The following ST7 variants were observed in gnomAD, a reference collection of about 807,000 sequenced individuals.
The protein encoded by ST7 is suppressor of tumorigenicity 7 protein.
Under a neutral mutation model 78.7 loss-of-function variants are expected in ST7, and 28 were observed. That is an observed-to-expected ratio of 0.36 (90% confidence interval 0.26 to 0.49). The LOEUF (loss-of-function observed/expected upper bound fraction) is 0.49, where lower values mean the gene tolerates loss of function less well. Ranked by LOEUF, ST7 falls within the 20% of genes least tolerant of loss-of-function variation. ST7 has a pLI of 0.99. For synonymous variants in ST7, 247 were observed against 249.6 expected (o/e 0.99, Z 0.10); for missense variants, 418 against 696.0 (o/e 0.60, Z 4.49).
At chr7:117,140,258 T>G (rs1260707549) in intron 9 of ST7, among the ~76,000 whole-genome samples, 1 of 149,986 alleles carries the variant, frequency 6.7e-6, no homozygotes, top group African/African-American at 2.5e-5. Flanking sequence ...ATGTAGATCT[T>G]GGGGGAGAGA....
intron 1 of ST7, among the ~76,000 whole-genome samples, chr7:117,041,119 A>G (rs900581547): frequency 6.6e-6 from 1 of 152,192 alleles, no homozygotes; most frequent in Non-Finnish European, 1.5e-5. Flanking sequence ...CTCAACATGA[A>G]CAAGAAAGCC....
intron 1 of ST7, 58 bp downstream of exon 1, chr7:116,953,749 T>C (rs572529528): frequency 2.4e-6 from 3 of 1,261,380 alleles, no homozygotes; most frequent in Non-Finnish European, 3.1e-6. Context: ...GGAAAGTTAG[T>C]GCAACTCGCG....
chr7:117,014,369 A>G (rs998192722), intron 1 of ST7, among the ~76,000 whole-genome samples: 7 of 152,242 alleles, frequency 4.6e-5, no homozygotes, highest in Admixed American at 2.0e-4. Flanking sequence ...GTGTCTCAGT[A>G]ATGACCATAT....
chr7:117,138,129 G>A (rs548374582), intron 8 of ST7, among the ~76,000 whole-genome samples: 16 of 152,232 alleles, frequency 1.1e-4, no homozygotes, highest in African/African-American at 3.6e-4. Context: ...AAGAATGCAC[G>A]CTTGAAGAAT....
At chr7:117,003,164 T>A (rs1163477661) in intron 1 of ST7, among the ~76,000 whole-genome samples, 1 of 151,792 alleles carries the variant, frequency 6.6e-6, no homozygotes, top group African/African-American at 2.4e-5. Flanking sequence ...TATTATTTTT[T>A]TTTTGAGACA....
intron 1 of ST7, among the ~76,000 whole-genome samples, chr7:116,982,738 C>A (rs898742792): frequency 2.0e-5 from 3 of 152,082 alleles, no homozygotes; most frequent in African/African-American, 7.2e-5. Flanking sequence ...CTCTGAGGAT[C>A]CCTTTTTCAT....
At position 116,953,711 on chromosome 7, in the gene ST7, C is replaced by A; in HGVS notation, c.151+20C>A. On this transcript the variant is annotated intron_variant, in intron 1 of 15. Transcript: ENST00000323984. Reference sequence around the variant, plus strand: ...GCACAGGTAAGGCCTGGGAGCCGGGCCCGCGGCGCCCACCCCTCCCCCGCC... The same window carrying A: ...GCACAGGTAAGGCCTGGGAGCCGGGACCGCGGCGCCCACCCCTCCCCCGCC... 1 of 1,421,074 alleles carries A rather than the reference C, an allele frequency of 7.0e-7. No homozygotes were observed. Among genetic ancestry groups the A allele is most frequent in the Non-Finnish European group, 9.4e-7 (1 of 1,065,630 alleles). The allele number at this position is 1,421,074 out of a possible 1,614,324, so 88.0% of individuals were successfully genotyped here.
At chr7:117,068,690 A>T (rs1270554160) in intron 1 of ST7, among the ~76,000 whole-genome samples, 2 of 152,236 alleles carry the variant, frequency 1.3e-5, no homozygotes, top group Non-Finnish European at 2.9e-5. Flanking sequence ...GTGGTGTGCC[A>T]GCTCTCATTG....
chr7:117,028,722 C>G (rs1796326192), intron 1 of ST7, among the ~76,000 whole-genome samples: 1 of 152,168 alleles, frequency 6.6e-6, no homozygotes, highest in South Asian at 2.1e-4. Context: ...TGACTGGACT[C>G]CATTGGTGGT....
At chr7:117,044,876 C>T (rs2116319707) in intron 1 of ST7, among the ~76,000 whole-genome samples, 1 of 152,316 alleles carries the variant, frequency 6.6e-6, no homozygotes, top group East Asian at 1.9e-4. Context: ...GCATCTTCAG[C>T]TGGATGTCTC....
chr7:116,986,904 G>A (rs952548937), intron 1 of ST7, among the ~76,000 whole-genome samples: 2 of 152,190 alleles, frequency 1.3e-5, no homozygotes, highest in African/African-American at 2.4e-5. Flanking sequence ...AAGAAGAACC[G>A]GCAAAGGAGA....
At chr7:116,984,758 A>G (rs756797036) in intron 1 of ST7, among the ~76,000 whole-genome samples, 1 of 152,174 alleles carries the variant, frequency 6.6e-6, no homozygotes, top group Non-Finnish European at 1.5e-5. Flanking sequence ...CAATATAGGC[A>G]TTTGCTTTCC....
At chr7:117,216,286 G>A (rs1792687555) in intron 13 of ST7, among the ~76,000 whole-genome samples, 1 of 152,128 alleles carries the variant, frequency 6.6e-6, no homozygotes, top group African/African-American at 2.4e-5. Context: ...GGGAAGGGAT[G>A]GCACACAGAG....
At position 117,190,433 on chromosome 7, in the gene ST7, G is replaced by A. The variant is rs912547181; in HGVS notation, c.1152-401G>A. Among the ~76,000 whole-genome samples the A allele has an allele frequency of 1.3e-5, 2 of 152,202 alleles. No homozygotes were observed. The highest frequency in any genetic ancestry group is 4.8e-5 in the African/African-American group (2 of 41,448). ...CCATCGCAGCACTGACATTGGGTGG[G>A]AGGCCTCCTTTCAAATCCTTCCCAG... is the stretch of plus-strand genomic sequence containing the variant. On this transcript the variant is annotated intron_variant, in intron 11 of 15. Transcript: ENST00000323984. The surrounding 1 kb of genome is among the most constrained non-coding windows in gnomAD (Gnocchi z 5.2).
intron 1 of ST7, among the ~76,000 whole-genome samples, chr7:117,053,991 C>T (rs1483018927): frequency 6.6e-6 from 1 of 152,034 alleles, no homozygotes; most frequent in Non-Finnish European, 1.5e-5. Flanking sequence ...GCATGCTCCA[C>T]CAGGCCTGGC....
At position 117,180,127 on chromosome 7, in the gene ST7, C is replaced by T. The variant is rs57715719; in HGVS notation, c.1078+9151C>T. Among the ~76,000 whole-genome samples, 354 of 152,242 alleles carry T rather than the reference C, an allele frequency of 2.3e-3. 1 individual carries two copies. The highest frequency in any genetic ancestry group is 8.1e-3 in the African/African-American group (338 of 41,540). ...ATAACCACTTTATTTCATTTGCTTC[C>T]GGGTAATCTCTTAACTACAAGAAAC... is the stretch of plus-strand genomic sequence containing the variant. On this transcript the variant is annotated intron_variant, in intron 10 of 15. Transcript: ENST00000323984.
intron 1 of ST7, among the ~76,000 whole-genome samples, chr7:117,067,875 A>G (rs1798723579): frequency 6.6e-6 from 1 of 152,204 alleles, no homozygotes. Flanking sequence ...CTACACAGTG[A>G]CATTTCATTC....
intron 1 of ST7, among the ~76,000 whole-genome samples, chr7:117,027,012 A>C (rs1584476288): frequency 6.6e-6 from 1 of 152,178 alleles, no homozygotes. Context: ...TGGTCATGAC[A>C]CTCTTGCAGG....
chr7:117,170,538 G>T (rs961387778), intron 9 of ST7, among the ~76,000 whole-genome samples: 1 of 152,028 alleles, frequency 6.6e-6, no homozygotes, highest in Non-Finnish European at 1.5e-5. Context: ...AAAATTAGCC[G>T]GGCATGGTAG....
Sources: gnomAD v4.1 joint callset for allele counts (sites outside exome capture counted in the v4.1 genomes callset) on GRCh38, gnomAD v4.1.1 for gene constraint, Gnocchi (gnomAD v3.1) non-coding constraint, MANE v1.5 for transcripts, NCBI Gene and HGNC (gene_info 2026-07-23, HGNC 2026-07-21) for gene names.